The following MSH3 variants were observed in gnomAD, a reference collection of about 807,000 sequenced individuals.
MSH3 encodes DNA mismatch repair protein Msh3.
A neutral mutation model predicts 123.3 loss-of-function variants in MSH3; 106 were observed. The observed-to-expected ratio is 0.86, with a 90% CI of 0.73 to 1.01. MSH3 has a LOEUF of 1.01. Among genes scored for constraint, MSH3 ranks in the 50% least tolerant of loss-of-function variants. MSH3 has a pLI of 0.00. For missense variants in MSH3, 1,459 were observed against 1,347.6 expected (o/e 1.08, Z -1.29); for synonymous variants, 515 against 481.4 (o/e 1.07, Z -0.91).
Position 80,720,538 on chromosome 5 carries a change from G to A in MSH3, c.1341-4915G>A, listed in dbSNP as rs60349149. Reference sequence around the variant, plus strand: ...TCAGTTGTGTGCCTTCTAGACTATCGTTCATTCTGAGAAGTTTTCCTTTTG... The same window carrying A: ...TCAGTTGTGTGCCTTCTAGACTATCATTCATTCTGAGAAGTTTTCCTTTTG... On this transcript the variant is annotated intron_variant, in intron 8 of 23. Transcript: ENST00000265081. 2.2e-3 allele frequency among the ~76,000 whole-genome samples: 334 copies of A among 151,392 alleles called. 2 individuals carry two copies. The highest frequency in any genetic ancestry group is 6.4e-3 in the African/African-American group (264 of 41,210).
chr5:80,865,012 A>G (rs1305737997), intron 22 of MSH3, 70 bp downstream of exon 22: 6 of 1,409,628 alleles, frequency 4.3e-6, no homozygotes, highest in Non-Finnish European at 5.0e-6. Context: ...TTGTTGGAAC[A>G]TGAACTTACT....
chr5:80,749,451 A>G (rs937378963), intron 12 of MSH3, among the ~76,000 whole-genome samples: 3 of 152,186 alleles, frequency 2.0e-5, no homozygotes, highest in Non-Finnish European at 4.4e-5. Flanking sequence ...CCACACTGGC[A>G]GCTGATTAGA....
At chr5:80,696,867 A>G (rs1409799710) in intron 8 of MSH3, among the ~76,000 whole-genome samples, 3 of 152,228 alleles carry the variant, frequency 2.0e-5, no homozygotes, top group African/African-American at 7.2e-5. Flanking sequence ...TTTAACTGCA[A>G]TAGAATTGAA....
chr5:80,728,193 AT>A (rs1167630924), intron 9 of MSH3, among the ~76,000 whole-genome samples: 1 of 152,136 alleles, frequency 6.6e-6, no homozygotes, highest in African/African-American at 2.4e-5. Flanking sequence ...ATGATCTGAT[AT>A]ACATTTTAAA....
intron 8 of MSH3, among the ~76,000 whole-genome samples, chr5:80,713,019 T>A (rs1043240144): frequency 6.6e-6 from 1 of 152,336 alleles, no homozygotes; most frequent in East Asian, 1.9e-4. Flanking sequence ...ATCAGTGCTA[T>A]TATTACCAAT....
chr5:80,676,323 G>A (rs1404369314), intron 7 of MSH3, among the ~76,000 whole-genome samples: 1 of 152,148 alleles, frequency 6.6e-6, no homozygotes, highest in Non-Finnish European at 1.5e-5. Flanking sequence ...GAGCCACCAC[G>A]CCTGGCCAAC....
intron 20 of MSH3, among the ~76,000 whole-genome samples, chr5:80,830,162 T>C (rs1340642800): frequency 6.6e-6 from 1 of 152,208 alleles, no homozygotes; most frequent in African/African-American, 2.4e-5. Context: ...TTCTTGATCT[T>C]TTCAAAGAAT....
At chr5:80,734,724 C>T (rs2093171672) in intron 10 of MSH3, among the ~76,000 whole-genome samples, 1 of 152,142 alleles carries the variant, frequency 6.6e-6, no homozygotes, top group African/African-American at 2.4e-5. Context: ...CCTTTGAGGA[C>T]TGGTACTTGG....
At chr5:80,870,215 TA>T (rs1746190099) in intron 22 of MSH3, among the ~76,000 whole-genome samples, 2 of 145,662 alleles carry the variant, frequency 1.4e-5, no homozygotes, top group Non-Finnish European at 3.0e-5. Context: ...AATTTTTGGA[TA>T]GGGGGATTTT....
chr5:80,818,426 G>A (rs958151058), intron 20 of MSH3, among the ~76,000 whole-genome samples: 1 of 133,270 alleles, frequency 7.5e-6, no homozygotes, highest in African/African-American at 2.8e-5. Context: ...AAAAAAAGGT[G>A]GGGGAGAGAG....
intron 8 of MSH3, among the ~76,000 whole-genome samples, chr5:80,692,553 G>GAGATAAACATGTATATGTTTAGAT (rs1750315778): frequency 2.7e-5 from 2 of 73,760 alleles, no homozygotes; most frequent in Non-Finnish European, 5.6e-5. Context: ...TTTATATAGA[G>GAGATAAACATGTATATGTTTAGAT]AGATAAACAT....
At chr5:80,720,006 G>A (rs1751048221) in intron 8 of MSH3, among the ~76,000 whole-genome samples, 1 of 152,158 alleles carries the variant, frequency 6.6e-6, no homozygotes, top group Non-Finnish European at 1.5e-5. Context: ...TGGTGGTGAT[G>A]CTACTGGTCT....
intron 10 of MSH3, among the ~76,000 whole-genome samples, chr5:80,731,387 T>C (rs888787565): frequency 2.0e-5 from 3 of 152,180 alleles, no homozygotes; most frequent in Non-Finnish European, 4.4e-5. Flanking sequence ...GCTCTGCTAG[T>C]GACTTAGTGT....
At chr5:80,667,265 T>A (rs2112810281) in intron 3 of MSH3, among the ~76,000 whole-genome samples, 1 of 152,356 alleles carries the variant, frequency 6.6e-6, no homozygotes, top group East Asian at 1.9e-4. Context: ...GATTAACTTT[T>A]ATACTACATA....
intron 8 of MSH3, among the ~76,000 whole-genome samples, chr5:80,697,469 A>C (rs1750508535): frequency 6.6e-6 from 1 of 152,274 alleles, no homozygotes; most frequent in Non-Finnish European, 1.5e-5. Flanking sequence ...AATGTGTTGC[A>C]AAGAAAGATT....
At chr5:80,830,951 T>C (rs1218009866) in intron 20 of MSH3, among the ~76,000 whole-genome samples, 2 of 152,198 alleles carry the variant, frequency 1.3e-5, no homozygotes, top group African/African-American at 2.4e-5. Flanking sequence ...AGTGTGATCT[T>C]ATTGCAATCA....
intron 7 of MSH3, 88 bp from the exon 8 acceptor site, chr5:80,678,839 C>T (rs1230344343): frequency 6.9e-7 from 1 of 1,453,906 alleles, no homozygotes; most frequent in Admixed American, 1.7e-5. Flanking sequence ...AGTGTATCAT[C>T]TTTACTTTTT....
chr5:80,672,284 A>C lies in MSH3; in HGVS notation c.833A>C (p.His278Pro), dbSNP rs1749740358. ...CTCAATATTTATTGCCATTTAGATCACAACTTTATGACAGCAAGTATACCT... is the reference window on the plus strand; with the variant it reads ...CTCAATATTTATTGCCATTTAGATCCCAACTTTATGACAGCAAGTATACCT... ...RELNIYCHLD[H>P]NFMTASIPTH... Residue 278 changes from histidine to proline, a missense_variant, in exon 5 of 24, where the codon CAC (histidine) becomes CCC (proline). By Grantham distance (77) the His-to-Pro change is moderately conservative. Coordinates refer to ENST00000265081, the MANE Select transcript of MSH3 (RefSeq NM_002439.5). 3.1e-6 allele frequency: 5 copies of C among 1,614,052 alleles called. No individual in the cohort carries two copies. In the East Asian group the frequency reaches 8.9e-5, roughly 29 times the overall value.
At chr5:80,828,997 C>T (rs946582453) in intron 20 of MSH3, among the ~76,000 whole-genome samples, 1 of 152,216 alleles carries the variant, frequency 6.6e-6, no homozygotes, top group African/African-American at 2.4e-5. Flanking sequence ...TCTGTTCTCT[C>T]TGCTCCACTA....
Sources: allele counts gnomAD v4.1 joint callset (sites outside exome capture counted in the v4.1 genomes callset), GRCh38; gene constraint gnomAD v4.1.1; transcripts MANE v1.5; gene names NCBI Gene and HGNC (gene_info 2026-07-23, HGNC 2026-07-21).